Variants in RNLS observed in about 807,000 individuals in gnomAD.
RNLS encodes the protein renalase, FAD dependent amine oxidase.
Under a neutral mutation model 39.8 loss-of-function variants are expected in RNLS, and 39 were observed. The observed-to-expected ratio is 0.98, with a 90% CI of 0.76 to 1.28. RNLS has a LOEUF of 1.28. Among genes scored for constraint, RNLS ranks in the 50% most tolerant of loss-of-function variants. RNLS has a pLI of 0.00. For synonymous variants in RNLS, 147 were observed against 150.7 expected, an observed-to-expected ratio of 0.98 and a Z score of 0.18; for missense variants, 410 against 413.3, an observed-to-expected ratio of 0.99 and a Z score of 0.07.
chr10:88,396,768 T>C (rs1852586451), intron 4 of RNLS, among the ~76,000 whole-genome samples: 1 of 147,352 alleles, frequency 6.8e-6, no homozygotes, highest in South Asian at 2.1e-4. Context: ...AGATCCTAGG[T>C]TGAAGGTAAA....
rs917075263 is a variant in RNLS, at chr10:88,510,276, G to GA, written c.526+62626dup. ...GACTCCACATTTTAAAACATTTAAA[G>GA]AAAAAAAAAATGAGGCAGATAATTC... On this transcript the variant is annotated intron_variant, in intron 4 of 6. Transcript: ENST00000331772. Among the ~76,000 whole-genome samples the GA allele has an allele frequency of 3.3e-3, 483 of 146,522 alleles. 1 individual carries two copies. Among genetic ancestry groups the GA allele is most frequent in the Middle Eastern group, 0.021 (6 of 284 alleles).
chr10:88,520,835 C>T (rs1049068635), intron 4 of RNLS, among the ~76,000 whole-genome samples: 1 of 151,928 alleles, frequency 6.6e-6, no homozygotes, highest in Non-Finnish European at 1.5e-5. Flanking sequence ...GTTTATACTA[C>T]CTTAACAGTC....
intron 5 of RNLS, among the ~76,000 whole-genome samples, chr10:88,320,779 C>A (rs1288806797): frequency 6.7e-6 from 1 of 148,872 alleles, no homozygotes. Context: ...TACTCAACAT[C>A]GGAGCACCAA....
chr10:88,334,652 G>C (rs1269252679), intron 5 of RNLS, among the ~76,000 whole-genome samples: 1 of 152,120 alleles, frequency 6.6e-6, no homozygotes, highest in Non-Finnish European at 1.5e-5. Context: ...TTGTCTATTT[G>C]TCTGTCTCCC....
At chr10:88,492,718 C>T (rs1844957887) in intron 4 of RNLS, among the ~76,000 whole-genome samples, 1 of 151,920 alleles carries the variant, frequency 6.6e-6, no homozygotes, top group African/African-American at 2.4e-5. Flanking sequence ...TGCGCCTGGC[C>T]CTTTTAAACT....
the RNLS span, among the ~76,000 whole-genome samples, chr10:88,238,346 T>A: frequency 2.6e-5 from 4 of 152,222 alleles, no homozygotes; most frequent in African/African-American, 9.6e-5. Flanking sequence ...GCTATGCTTT[T>A]GGCATTCCCC....
At chr10:88,334,079 G>A (rs1847313365) in intron 5 of RNLS, among the ~76,000 whole-genome samples, 2 of 152,172 alleles carry the variant, frequency 1.3e-5, no homozygotes, top group Non-Finnish European at 2.9e-5. Flanking sequence ...ACTTCTGTGA[G>A]ACTATCTCCA....
chr10:88,546,898 T>C (rs995303870), intron 4 of RNLS, among the ~76,000 whole-genome samples: 2 of 119,476 alleles, frequency 1.7e-5, no homozygotes, highest in Admixed American at 8.6e-5. Context: ...TTTCTTACCA[T>C]GAAACCAAAA....
intron 4 of RNLS, among the ~76,000 whole-genome samples, chr10:88,554,818 T>C (rs949650519): frequency 7.9e-5 from 12 of 152,168 alleles, no homozygotes; most frequent in African/African-American, 2.7e-4. Flanking sequence ...TTCTACTAGA[T>C]TGTTTCCATC....
intron 5 of RNLS, among the ~76,000 whole-genome samples, chr10:88,345,664 T>C (rs2133248260): frequency 6.6e-6 from 1 of 152,264 alleles, no homozygotes; most frequent in African/African-American, 2.4e-5. Context: ...GGCATGATAT[T>C]AGAAGTTTTG....
the RNLS span, among the ~76,000 whole-genome samples, chr10:88,247,185 G>A: frequency 3.3e-5 from 5 of 152,252 alleles, no homozygotes; most frequent in Non-Finnish European, 7.4e-5. Flanking sequence ...CCCTGATAAA[G>A]ACAGGGCATT....
At chr10:88,535,881 A>G (rs1847728765) in intron 4 of RNLS, among the ~76,000 whole-genome samples, 1 of 152,208 alleles carries the variant, frequency 6.6e-6, no homozygotes. Flanking sequence ...GCAAAGAAAT[A>G]AGATGACTTA....
Position 88,310,824 on chromosome 10 carries a change from A to AG in RNLS, c.876+3641_876+3642insC, listed in dbSNP as rs1554854325. ...GCCAAAAAAAAAAAAAAAAAAAAAA[A>AG]AAAGAAAGAAAAGGAAGAGAAAAGG... is the stretch of plus-strand genomic sequence containing the variant. On this transcript the variant is annotated intron_variant, in intron 6 of 6. Transcript: ENST00000331772. Among the ~76,000 whole-genome samples, 10 of 113,472 alleles carry AG rather than the reference A, an allele frequency of 8.8e-5. 1 individual carries two copies. The South Asian group carries it at 1.3e-3, about 15-fold the overall frequency. 74.4% of individuals were successfully genotyped at this position (113,472 alleles called of 152,430 possible). A position where few individuals can be genotyped will look rare whatever the true frequency, so the allele number is the denominator to read the frequency against.
intron 4 of RNLS, among the ~76,000 whole-genome samples, chr10:88,547,567 T>A (rs1848383207): frequency 6.6e-6 from 1 of 152,188 alleles, no homozygotes; most frequent in Admixed American, 6.5e-5. Context: ...GATATAAATC[T>A]TCTTTGAAGG....
the RNLS span, among the ~76,000 whole-genome samples, chr10:88,185,590 A>C: frequency 6.6e-6 from 1 of 152,038 alleles, no homozygotes. Flanking sequence ...TTCATCTTTC[A>C]TGTCTATTTT....
intron 5 of RNLS, among the ~76,000 whole-genome samples, chr10:88,325,521 C>CT (rs2133122996): frequency 6.6e-6 from 1 of 152,260 alleles, no homozygotes; most frequent in South Asian, 2.1e-4. Context: ...CAATCAAAAG[C>CT]TACAGAAGTT....
chr10:88,554,833 C>T (rs1848775466), intron 4 of RNLS, among the ~76,000 whole-genome samples: 1 of 152,062 alleles, frequency 6.6e-6, no homozygotes, highest in African/African-American at 2.4e-5. Context: ...TCCATCAGCA[C>T]CTAAACATAT....
the RNLS span, among the ~76,000 whole-genome samples, chr10:88,226,943 C>A: frequency 6.6e-6 from 1 of 152,112 alleles, no homozygotes. Context: ...AGCTTTCTTG[C>A]GAATCCATAC....
chr10:88,317,120 T>C (rs1429949779), intron 5 of RNLS, among the ~76,000 whole-genome samples: 1 of 152,236 alleles, frequency 6.6e-6, no homozygotes, highest in African/African-American at 2.4e-5. Context: ...ACCTAGCTTT[T>C]GGCATTTTAA....
Sources: allele counts gnomAD v4.1 joint callset (sites outside exome capture counted in the v4.1 genomes callset), GRCh38; gene constraint gnomAD v4.1.1; transcripts MANE v1.5; gene names NCBI Gene and HGNC (gene_info 2026-07-23, HGNC 2026-07-21).